The following MMRN1 variants were observed in gnomAD, a reference collection of about 807,000 sequenced individuals.
MMRN1 encodes multimerin 1, also known as multimerin-1.
In MMRN1, 94 loss-of-function variants were observed where a neutral mutation model predicts 100.7. The observed-to-expected ratio is 0.93, with a 90% CI of 0.79 to 1.11. MMRN1 has a LOEUF of 1.11. Ranked by LOEUF, MMRN1 falls within the 50% of genes least tolerant of loss-of-function variation. The pLI, the probability that MMRN1 is intolerant of heterozygous loss-of-function variation, is 0.00. For synonymous variants in MMRN1, 575 were observed against 505.0 expected, an observed-to-expected ratio of 1.14 and a Z score of -1.86; for missense variants, 1,606 against 1,439.1, an observed-to-expected ratio of 1.12 and a Z score of -1.88.
intron 3 of MMRN1, among the ~76,000 whole-genome samples, chr4:89,912,611 G>A (rs555587806): frequency 3.3e-5 from 5 of 150,468 alleles, no homozygotes; most frequent in South Asian, 4.2e-4. Flanking sequence ...ATGGTAACCC[G>A]CTGTGGCCTA....
intron 3 of MMRN1, among the ~76,000 whole-genome samples, chr4:89,913,964 T>C (rs1290125617): frequency 6.6e-6 from 1 of 151,434 alleles, no homozygotes; most frequent in African/African-American, 2.4e-5. Flanking sequence ...CTCCTGTTGC[T>C]CTCTGCTATA....
At chr4:89,947,628 T>A (rs1723028811) in intron 6 of MMRN1, among the ~76,000 whole-genome samples, 1 of 152,092 alleles carries the variant, frequency 6.6e-6, no homozygotes. Context: ...CTTTGGAGCA[T>A]CAGGCAGCAA....
chr4:89,919,355 T>A (rs1040703025), intron 3 of MMRN1, among the ~76,000 whole-genome samples: 25 of 151,662 alleles, frequency 1.6e-4, no homozygotes, highest in African/African-American at 3.9e-4. Context: ...TAACATTTTT[T>A]AATATTTTCT....
chr4:89,906,296 T>C (rs1245579736), intron 1 of MMRN1, among the ~76,000 whole-genome samples: 1 of 151,628 alleles, frequency 6.6e-6, no homozygotes, highest in East Asian at 1.9e-4. Context: ...CTCTATTTTA[T>C]ATGTTCAACA....
At chr4:89,933,642 G>C (rs1722510958) in intron 5 of MMRN1, among the ~76,000 whole-genome samples, 1 of 152,148 alleles carries the variant, frequency 6.6e-6, no homozygotes, top group African/African-American at 2.4e-5. Context: ...ATGTGCAGGG[G>C]AACTGCCCTT....
At chr4:89,934,106 T>C (rs1433526008) in intron 5 of MMRN1, among the ~76,000 whole-genome samples, 1 of 152,044 alleles carries the variant, frequency 6.6e-6, no homozygotes, top group Non-Finnish European at 1.5e-5. Flanking sequence ...GATAGTACTA[T>C]GTGTTTCATT....
intron 1 of MMRN1, among the ~76,000 whole-genome samples, chr4:89,902,871 A>G (rs1721437785): frequency 6.6e-6 from 1 of 152,124 alleles, no homozygotes; most frequent in South Asian, 2.1e-4. Flanking sequence ...TACAAAACTG[A>G]TATTTTTATC....
rs1722558682 is a variant in MMRN1 at position 89,934,982 on chromosome 4, G to A, written c.1302G>A (p.Val434=). The A allele has an allele frequency of 1.9e-6, 3 of 1,613,294 alleles. No homozygotes were observed. Among genetic ancestry groups the A allele is most frequent in the Non-Finnish European group, 2.5e-6 (3 of 1,179,668 alleles). ...RQIIQKVNES[V]VSIAAQQKFV... ...TAATTCAAAAAGTTAATGAATCTGT[G>A]GTTTCAATAGCAGCCCAGCAAAAGT... Residue 434 remains valine (V), a synonymous_variant, in exon 6 of 8, where the codon GTG becomes GTA. Coordinates refer to ENST00000264790, the MANE Select transcript of MMRN1 (RefSeq NM_007351.3).
chr4:89,893,387 G>A (rs150808527), upstream of MMRN1, among the ~76,000 whole-genome samples: 319 of 152,096 alleles, frequency 2.1e-3, 2 homozygotes, highest in African/African-American at 7.4e-3. Context: ...TTAATCCCAA[G>A]TAGTTAGTAG....
rs775826580 is a variant in MMRN1, at chr4:89,934,938, C to A, written c.1258C>A (p.Leu420Ile). The change falls in exon 6 of 8, where the codon CTC becomes ATC. Residue 420 changes from leucine (L) to isoleucine (I), a missense_variant. Coordinates refer to ENST00000264790, the MANE Select transcript of MMRN1 (RefSeq NM_007351.3). ...GACTGTATCAAGTCTATCAGAGGACCTCGAAAGCACCAGGCAAATAATTCA... is the reference window on the plus strand; with the variant it reads ...GACTGTATCAAGTCTATCAGAGGACATCGAAAGCACCAGGCAAATAATTCA... The part of the protein sequence containing the change: ...FKTVSSLSED[L>I]ESTRQIIQKV... The A allele has an allele frequency of 2.5e-5, 40 of 1,613,654 alleles. No homozygotes were observed. Among genetic ancestry groups the A allele is most frequent in the Non-Finnish European group, 3.2e-5 (38 of 1,179,744 alleles).
chr4:89,892,913 G>A (rs1461005753), upstream of MMRN1, among the ~76,000 whole-genome samples: 5 of 151,990 alleles, frequency 3.3e-5, no homozygotes, highest in Non-Finnish European at 7.4e-5. Context: ...TGGCAGTTTT[G>A]TAAATCTTCA....
chr4:89,946,148 T>C (rs1253911987), intron 6 of MMRN1, among the ~76,000 whole-genome samples: 5 of 152,206 alleles, frequency 3.3e-5, no homozygotes, highest in Non-Finnish European at 4.4e-5. Context: ...AACTTAAGAA[T>C]GTGTCCATTA....
intron 3 of MMRN1, 52 bp downstream of exon 3, chr4:89,912,102 A>T: frequency 1.6e-6 from 2 of 1,276,932 alleles, no homozygotes; most frequent in Non-Finnish European, 2.2e-6. Context: ...AACTGATTCT[A>T]TTGAAGAAAA....
At chr4:89,881,018 TAGC>T (rs1171053793) in intron 1 of MMRN1, among the ~76,000 whole-genome samples, 2 of 152,176 alleles carry the variant, frequency 1.3e-5, no homozygotes, top group South Asian at 2.1e-4. Flanking sequence ...TGGGATTTAG[TAGC>T]AGAAGCACTG....
chr4:89,889,419 A>T (rs1721002319), intron 1 of MMRN1, among the ~76,000 whole-genome samples: 1 of 152,154 alleles, frequency 6.6e-6, no homozygotes. Flanking sequence ...TAAGGTCCCC[A>T]GCCCAGTATC....
chr4:89,941,140 T>C (rs1341202730), intron 6 of MMRN1, among the ~76,000 whole-genome samples: 1 of 152,192 alleles, frequency 6.6e-6, no homozygotes, highest in African/African-American at 2.4e-5. Flanking sequence ...TAGGTTATCT[T>C]CTGTACAAAA....
At chr4:89,951,147 C>T (rs1013541549) in intron 6 of MMRN1, among the ~76,000 whole-genome samples, 7 of 151,940 alleles carry the variant, frequency 4.6e-5, no homozygotes, top group African/African-American at 1.7e-4. Context: ...TGTTGTAATG[C>T]AATCATATTG....
Position 89,947,752 on chromosome 4 carries a change from G to A in MMRN1, c.3119-3853G>A, listed in dbSNP as rs576953813. On this transcript the variant is annotated intron_variant, in intron 6 of 7. Transcript: ENST00000264790. Reference sequence around the variant, plus strand: ...AATTCAAGAACAAGTAGCCTATTAAGCACAAATATGAGCAGGTACTTATAA... The same window carrying A: ...AATTCAAGAACAAGTAGCCTATTAAACACAAATATGAGCAGGTACTTATAA... Among the ~76,000 whole-genome samples, 10 of 152,236 alleles carry A rather than the reference G, an allele frequency of 6.6e-5. No individual in the cohort carries two copies. The East Asian group carries it at 1.9e-3, about 29-fold the overall frequency.
intron 1 of MMRN1, among the ~76,000 whole-genome samples, chr4:89,889,024 C>T (rs1224709697): frequency 6.6e-6 from 1 of 152,012 alleles, no homozygotes; most frequent in African/African-American, 2.4e-5. Flanking sequence ...ATAATAAAGG[C>T]TATAGTAAAT....
Sources: gnomAD v4.1 joint callset for allele counts (sites outside exome capture counted in the v4.1 genomes callset) on GRCh38, gnomAD v4.1.1 for gene constraint, MANE v1.5 for transcripts, NCBI Gene and HGNC (gene_info 2026-07-23, HGNC 2026-07-21) for gene names.